The following PON2 variants were observed in gnomAD, a reference collection of about 807,000 sequenced individuals.
PON2 encodes the protein serum paraoxonase/arylesterase 2.
A neutral mutation model predicts 36.6 loss-of-function variants in PON2; 27 were observed. The observed-to-expected ratio is 0.74, with a 90% confidence interval of 0.54 to 1.02. The LOEUF (loss-of-function observed/expected upper bound fraction) is 1.02. PON2 is among the 50% of genes least tolerant of loss of function. The probability of loss-of-function intolerance (pLI) is 0.00; values close to 1 mark genes in which losing one functional copy is unlikely to be tolerated. For synonymous variants in PON2, 149 were observed against 156.3 expected (o/e 0.95, Z 0.35); for missense variants, 363 against 421.1 (o/e 0.86, Z 1.21).
intron 3 of PON2, among the ~76,000 whole-genome samples, chr7:95,413,338 A>T (rs905712340): frequency 1.3e-5 from 2 of 151,852 alleles, no homozygotes; most frequent in African/African-American, 4.8e-5. Flanking sequence ...TCTATCTCAC[A>T]TTTCTTTTTC....
chr7:95,414,217 A>G (rs1299724756), intron 3 of PON2, among the ~76,000 whole-genome samples: 5 of 152,152 alleles, frequency 3.3e-5, no homozygotes, highest in Non-Finnish European at 5.9e-5. Context: ...CCCTCAACCC[A>G]TAACTGTAAA....
intron 2 of PON2, among the ~76,000 whole-genome samples, chr7:95,422,026 A>G (rs1454923033): frequency 6.6e-6 from 1 of 152,252 alleles, no homozygotes; most frequent in East Asian, 1.9e-4. Context: ...CTAAGGGAAC[A>G]ACAATCCCAT....
Position 95,424,352 on chromosome 7 carries a change from C to T in PON2, c.145+163G>A. The T allele has an allele frequency of 7.8e-6, 5 of 640,234 alleles. No individual in the cohort carries two copies. In the South Asian group the frequency reaches 9.2e-5, roughly 12 times the overall value. The allele number at this position is 640,234 out of a possible 1,614,324, so 39.7% of individuals were successfully genotyped here. A position where few individuals can be genotyped will look rare whatever the true frequency, so the allele number is the denominator to read the frequency against. On this transcript the variant is annotated intron_variant, in intron 2 of 8. Transcript: ENST00000222572. The stretch of plus-strand genomic sequence containing the variant: ...TGAGGGTAGGAAAGAAGAATAAATA[C>T]AGGGTTCATCAGATCAAGAGGTTGA...
At chr7:95,419,420 A>G (rs1789143387) in intron 2 of PON2, among the ~76,000 whole-genome samples, 1 of 152,226 alleles carries the variant, frequency 6.6e-6, no homozygotes, top group East Asian at 1.9e-4. Flanking sequence ...CATGAATGGC[A>G]CAGCGTAGCA....
At chr7:95,424,831 A>G (rs572596797) in intron 1 of PON2, among the ~76,000 whole-genome samples, 1 of 152,268 alleles carries the variant, frequency 6.6e-6, no homozygotes, top group South Asian at 2.1e-4. Flanking sequence ...AAAAAAGCCA[A>G]TAACTCAACA....
At position 95,433,248 on chromosome 7, in the gene PON2, T is replaced by TTTTATTTA. The variant is rs17876062; in HGVS notation, c.74+1622_74+1629dup. 9.4e-4 allele frequency among the ~76,000 whole-genome samples: 143 copies of TTTTATTTA among 152,104 alleles called. 2 individuals are homozygous for TTTTATTTA. Among genetic ancestry groups the TTTTATTTA allele is most frequent in the African/African-American group, 3.1e-3 (128 of 41,474 alleles). ...ATAAATTACCAACTCAAATTTTGTT[T>TTTTATTTA]TTTATTTATTTATTTATTTATTTAT... On this transcript the variant is annotated intron_variant, in intron 1 of 8. Coordinates refer to ENST00000222572, the MANE Select transcript of PON2 (RefSeq NM_000305.3).
Position 95,412,403 on chromosome 7 carries a change from T to C in PON2, c.276A>G (p.Glu92=). The change falls in exon 4 of 9, where the codon GAA becomes GAG. Residue 92 remains glutamate, a synonymous_variant. Coordinates refer to ENST00000222572, the MANE Select transcript of PON2 (RefSeq NM_000305.3). ...PGGILMMDLK[E]EKPRARELRI... ...TTAATTCCCGTGCCCTTGGTTTTTC[T>C]TCTTTTAGATCCATCATTAGTATTC... is the stretch of plus-strand genomic sequence containing the variant. 1 of 1,614,220 alleles carries C rather than the reference T, an allele frequency of 6.2e-7. No individual in the cohort carries two copies. The highest frequency in any genetic ancestry group is 8.5e-7 in the Non-Finnish European group (1 of 1,180,024).
intron 2 of PON2, among the ~76,000 whole-genome samples, chr7:95,419,781 A>G (rs952336703): frequency 6.6e-6 from 1 of 152,188 alleles, no homozygotes; most frequent in Non-Finnish European, 1.5e-5. Flanking sequence ...TCTTAGATGA[A>G]GACAGCTGTG....
At chr7:95,409,419 G>C (rs1809803863) in intron 6 of PON2, 1 of 151,458 alleles carries the variant, frequency 6.6e-6, no homozygotes, top group African/African-American at 2.4e-5. Flanking sequence ...TTTTTATGTA[G>C]AACTCCCCAC....
chr7:95,406,084 A>T, intron 8 of PON2, 35 bp downstream of exon 8: 1 of 1,597,094 alleles, frequency 6.3e-7, no homozygotes, highest in Non-Finnish European at 8.6e-7. Context: ...AAAGGACTTG[A>T]ATAATTAAGT....
chr7:95,432,147 T>C (rs901396128), intron 1 of PON2, among the ~76,000 whole-genome samples: 1 of 152,180 alleles, frequency 6.6e-6, no homozygotes, highest in South Asian at 2.1e-4. Context: ...TGGTGGCTCA[T>C]GTGTATAATC....
At chr7:95,422,079 G>T (rs1789207018) in intron 2 of PON2, among the ~76,000 whole-genome samples, 1 of 152,182 alleles carries the variant, frequency 6.6e-6, no homozygotes, top group Non-Finnish European at 1.5e-5. Flanking sequence ...CAACAGCAAT[G>T]ATGTTCACTG....
chr7:95,418,289 A>C (rs1789118581), intron 2 of PON2: 1 of 152,222 alleles, frequency 6.6e-6, no homozygotes, highest in Non-Finnish European at 1.5e-5. Flanking sequence ...TGCATACAAT[A>C]TCTCATATGA....
rs754586448 is a variant in PON2 at position 95,405,474 on chromosome 7, C to A, written c.921G>T (p.Gln307His). ...CTGTAGGCTTCTCAGATAGAATGTT[C>A]TGGATGCGGAGAACCTATTCAGGGG... ...NPPSSEVLRI[Q>H]NILSEKPTVT... is the part of the protein sequence containing the mutation. The change falls in exon 9 of 9, where the codon CAG becomes CAT. Residue 307 changes from glutamine to histidine, a missense_variant. By Grantham distance (24) the Gln-to-His change is conservative. Transcript: ENST00000222572. 3 of 1,613,024 alleles carry A rather than the reference C, an allele frequency of 1.9e-6. No individual in the cohort carries two copies. The highest frequency in any genetic ancestry group is 1.1e-5 in the South Asian group (1 of 91,040).
chr7:95,405,306 G>A lies in PON2; in HGVS notation c.*24C>T, dbSNP rs201586910. ...ATAGAAAATTAATTGTTAAGTTATC[G>A]CACTTTCATGCCAAAAGTACAATTT... On this transcript the variant is annotated 3_prime_UTR_variant, in exon 9 of 9. Coordinates refer to ENST00000222572, the MANE Select transcript of PON2 (RefSeq NM_000305.3). 66 of 1,609,716 alleles carry A rather than the reference G, an allele frequency of 4.1e-5. No homozygotes were observed. Among genetic ancestry groups the A allele is most frequent in the Non-Finnish European group, 5.2e-5 (61 of 1,176,484 alleles).
At chr7:95,426,389 G>A (rs185271655) in intron 1 of PON2, among the ~76,000 whole-genome samples, 18 of 152,268 alleles carry the variant, frequency 1.2e-4, no homozygotes, top group Admixed American at 2.6e-4. Context: ...ATAATTTACC[G>A]CTGTTCTAAG....
In PON2 at chr7:95,424,534, G is replaced by T. The variant is rs1333405693; in HGVS notation, c.126C>A (p.Cys42Ter). The change falls in exon 2 of 9, where the codon TGC becomes TGA. Residue 42 changes from cysteine (C) to a stop codon, truncating the protein, a stop_gained. Coordinates refer to ENST00000222572, the MANE Select transcript of PON2 (RefSeq NM_000305.3). LOFTEE classifies it high-confidence loss of function. Reference sequence around the variant, plus strand: ...ACATACCAATTCCTTTAATCAGGTGGCAGTGTGGAAGGTCTACAGATTCTA... The same window carrying T: ...ACATACCAATTCCTTTAATCAGGTGTCAGTGTGGAAGGTCTACAGATTCTA... ...REVESVDLPH[C>*]HLIKGIEAGS... The T allele has an allele frequency of 6.2e-7, 1 of 1,612,734 alleles. No homozygotes were observed. The highest frequency in any genetic ancestry group is 1.7e-5 in the Admixed American group (1 of 59,974).
intron 2 of PON2, among the ~76,000 whole-genome samples, chr7:95,417,648 C>CCACATACACATGTATACACAG (rs749891889): frequency 0.01 from 1,512 of 149,440 alleles, 25 homozygotes; most frequent in South Asian, 0.04. Flanking sequence ...GAACGCTACA[C>CCACATACACATGTATACACAG]CACATACACA....
chr7:95,422,616 T>C (rs749269545), intron 2 of PON2, among the ~76,000 whole-genome samples: 3 of 152,096 alleles, frequency 2.0e-5, no homozygotes, highest in African/African-American at 4.8e-5. Flanking sequence ...TGTACAGGAG[T>C]ATTCATAAAA....
Sources: allele counts gnomAD v4.1 joint callset (sites outside exome capture counted in the v4.1 genomes callset), GRCh38; gene constraint gnomAD v4.1.1; transcripts MANE v1.5; gene names NCBI Gene and HGNC (gene_info 2026-07-23, HGNC 2026-07-21).